PDZD9: variants seen among roughly 807,000 people sequenced by gnomAD.
PDZD9 encodes PDZ domain containing 9.
Under a neutral mutation model 16.3 loss-of-function variants are expected in PDZD9, and 13 were observed. The observed-to-expected ratio is 0.80, with a 90% CI of 0.52 to 1.27. PDZD9 has a LOEUF of 1.27. Ranked by LOEUF, PDZD9 falls within the 50% of genes most tolerant of loss-of-function variation. The pLI is 0.00. For missense variants in PDZD9, 288 were observed against 310.9 expected (o/e 0.93, Z 0.55); for synonymous variants, 120 against 111.0 (o/e 1.08, Z -0.51).
chr16:21,986,635 A>AT (rs1362781557), intron 3 of PDZD9, among the ~76,000 whole-genome samples: 2 of 152,188 alleles, frequency 1.3e-5, no homozygotes, highest in Non-Finnish European at 2.9e-5. Context: ...CACTGACCAC[A>AT]TGAAAGTCCT....
the PDZD9 span, chr16:21,976,332 A>T: frequency 8.8e-7 from 1 of 1,131,824 alleles, no homozygotes. Flanking sequence ...ATCTATGCTC[A>T]TAAGGACTGA....
chr16:21,977,927 C>T, the PDZD9 span, among the ~76,000 whole-genome samples: 3 of 152,146 alleles, frequency 2.0e-5, no homozygotes, highest in Non-Finnish European at 2.9e-5. Flanking sequence ...AACCAAGAAT[C>T]GATAGGATGC....
At chr16:21,962,308 G>T in the PDZD9 span, 4 of 871,508 alleles carry the variant, frequency 4.6e-6, no homozygotes, top group Non-Finnish European at 6.9e-6. Flanking sequence ...TTGAATTTTA[G>T]TTGGTTAATA....
the PDZD9 span, chr16:21,976,346 G>A: frequency 2.2e-5 from 22 of 989,008 alleles, no homozygotes; most frequent in South Asian, 3.1e-4. Flanking sequence ...GGACTGAGAA[G>A]TACAGAAAAG....
downstream of PDZD9, among the ~76,000 whole-genome samples, chr16:21,979,725 C>CT (rs36062951): frequency 0.09 from 13,680 of 152,152 alleles, 791 homozygotes; most frequent in South Asian, 0.25. Context: ...GCTGTAGATA[C>CT]TAAACACTGT....
intron 1 of PDZD9, among the ~76,000 whole-genome samples, chr16:21,997,415 C>A (rs757584623): frequency 1.3e-5 from 2 of 152,176 alleles, no homozygotes; most frequent in Admixed American, 1.3e-4. Flanking sequence ...AAGGAACAGT[C>A]CCTGTCAGAG....
At chr16:21,995,180 CGT>C in intron 2 of PDZD9, 1 of 454,008 alleles carries the variant, frequency 2.2e-6, no homozygotes, top group Non-Finnish European at 4.4e-6. Context: ...GTTGTTTAAA[CGT>C]GTGTAGCACC....
the PDZD9 span, chr16:21,976,185 A>G: frequency 6.2e-7 from 1 of 1,613,998 alleles, no homozygotes; most frequent in East Asian, 2.2e-5. Context: ...GGCTGCCTAT[A>G]ATCAAGTAAA....
At chr16:21,996,824 G>C (rs911202482) in intron 1 of PDZD9, among the ~76,000 whole-genome samples, 2 of 152,022 alleles carry the variant, frequency 1.3e-5, no homozygotes, top group African/African-American at 4.8e-5. Flanking sequence ...CAGATGTGTT[G>C]GGTTTTTTGG....
In PDZD9 at chr16:21,998,424, A is replaced by G. The variant is rs555782205; in HGVS notation, c.32-1923T>C. 7.2e-4 allele frequency: 115 copies of G among 159,854 alleles called. 1 individual carries two copies. Among genetic ancestry groups the G allele is most frequent in the Non-Finnish European group, 1.7e-4 (12 of 72,172 alleles). The allele number at this position is 159,854 out of a possible 1,614,324, so 9.9% of individuals were successfully genotyped here. ...AAACAAAAAAAACTTTGTGCAAGGCACGGTAGCTCACGCCTGTAATCCCAG... is the reference window on the plus strand; with the variant it reads ...AAACAAAAAAAACTTTGTGCAAGGCGCGGTAGCTCACGCCTGTAATCCCAG... On this transcript the variant is annotated intron_variant, in intron 1 of 3. Coordinates refer to ENST00000424898, the MANE Select transcript of PDZD9 (RefSeq NM_001363519.1).
the PDZD9 span, chr16:21,958,489 C>T: frequency 4.6e-5 from 72 of 1,568,818 alleles, no homozygotes; most frequent in African/African-American, 9.5e-4. Flanking sequence ...GTTTGGCAAA[C>T]TTGGCATTGA....
the PDZD9 span, chr16:21,958,485 C>T: frequency 1.3e-6 from 2 of 1,555,282 alleles, no homozygotes; most frequent in South Asian, 2.3e-5. Context: ...TGATGTTTGG[C>T]AAACTTGGCA....
At chr16:21,964,864 A>G in the PDZD9 span, among the ~76,000 whole-genome samples, 2 of 152,232 alleles carry the variant, frequency 1.3e-5, no homozygotes, top group African/African-American at 4.8e-5. Context: ...GTTGCCAGGT[A>G]ATGAGCAACT....
Position 21,984,593 on chromosome 16 carries a change from C to A in PDZD9, c.469G>T (p.Asp157Tyr). ...TAATATTGAAGTCTTTTATCTAAATCTACATTTTCATTATCATCACTGCTT... is the reference window on the plus strand; with the variant it reads ...TAATATTGAAGTCTTTTATCTAAATATACATTTTCATTATCATCACTGCTT... ...FTSSDDNENV[D>Y]LDKRLQYYRY... The change falls in exon 4 of 4, where the codon GAT becomes TAT. Residue 157 changes from aspartate to tyrosine, a missense_variant. Coordinates refer to ENST00000424898, the MANE Select transcript of PDZD9 (RefSeq NM_001363519.1). 6.4e-7 allele frequency: 1 copy of A among 1,550,898 alleles called. No individual in the cohort carries two copies. Among genetic ancestry groups the A allele is most frequent in the South Asian group, 1.2e-5 (1 of 81,114 alleles).
At chr16:21,958,149 A>G in the PDZD9 span, among the ~76,000 whole-genome samples, 4 of 152,228 alleles carry the variant, frequency 2.6e-5, no homozygotes, top group African/African-American at 9.6e-5. Flanking sequence ...ACCACAAGAT[A>G]TTTGCCACAG....
At chr16:21,964,759 A>G in the PDZD9 span, among the ~76,000 whole-genome samples, 4 of 152,170 alleles carry the variant, frequency 2.6e-5, no homozygotes, top group Non-Finnish European at 4.4e-5. Flanking sequence ...ATAATACTTT[A>G]TTTCACAGTT....
chr16:21,971,315 G>A, the PDZD9 span, among the ~76,000 whole-genome samples: 1 of 152,266 alleles, frequency 6.6e-6, no homozygotes, highest in South Asian at 2.1e-4. Flanking sequence ...AATTCTAGAT[G>A]AATAGTAATA....
chr16:21,997,762 A>G (rs149627053), intron 1 of PDZD9, among the ~76,000 whole-genome samples: 2 of 152,358 alleles, frequency 1.3e-5, no homozygotes, highest in Admixed American at 6.5e-5. Flanking sequence ...GGAAGTTGCT[A>G]GGAAACTCCT....
At chr16:21,997,588 A>G (rs1374175058) in intron 1 of PDZD9, among the ~76,000 whole-genome samples, 1 of 152,228 alleles carries the variant, frequency 6.6e-6, no homozygotes, top group Non-Finnish European at 1.5e-5. Flanking sequence ...GACAGCGGAA[A>G]TGAGCAGTGG....
Sources: allele counts gnomAD v4.1 joint callset (sites outside exome capture counted in the v4.1 genomes callset), GRCh38; gene constraint gnomAD v4.1.1; transcripts MANE v1.5; gene names NCBI Gene and HGNC (gene_info 2026-07-23, HGNC 2026-07-21).